FKBP14: variants seen among roughly 807,000 people sequenced by gnomAD.
FKBP14 encodes the protein FKBP prolyl isomerase 14, also known as peptidyl-prolyl cis-trans isomerase FKBP14.
FKBP14 carries 20 observed loss-of-function variants against 21.6 expected under a neutral mutation model. The ratio of observed to expected loss-of-function variants is 0.92; its 90% confidence interval spans 0.65 to 1.34. FKBP14 has a LOEUF of 1.34. FKBP14 is among the 40% of genes most tolerant of loss of function. FKBP14 has a pLI of 0.00. For synonymous variants in FKBP14, 79 were observed against 86.7 expected (o/e 0.91, Z 0.49); for missense variants, 253 against 249.0 (o/e 1.02, Z -0.11).
chr7:30,014,978 T>C (rs1256913428), intron 3 of FKBP14, 85 bp from the exon 4 acceptor site: 3 of 799,136 alleles, frequency 3.8e-6, no homozygotes, highest in South Asian at 2.7e-5. Flanking sequence ...TGGACTGTTA[T>C]TATATTTAGT....
At chr7:30,018,916 G>A (rs1789959328) in intron 3 of FKBP14, 80 bp downstream of exon 3, 2 of 1,440,838 alleles carry the variant, frequency 1.4e-6, no homozygotes, top group Non-Finnish European at 9.5e-7. Context: ...TTTAAAAAGT[G>A]AGTTACAAAA....
rs746979187 is a variant in FKBP14, at chr7:30,014,746, C to T, written c.625G>A (p.Asp209Asn). 5 of 1,596,560 alleles carry T rather than the reference C, an allele frequency of 3.1e-6. No homozygotes were observed. The highest frequency in any genetic ancestry group is 4.3e-6 in the Non-Finnish European group (5 of 1,173,666). The change falls in exon 4 of 4, where the codon GAT becomes AAT. Residue 209 changes from aspartate to asparagine, a missense_variant. Physicochemically the swap from Asp to Asn is conservative, Grantham distance 23 (BLOSUM62 1). Transcript: ENST00000222803. ...ISAREFTYKH[D>N]EL ...GGGTAGATGTATCTCTATAACTCAT[C>T]GTGTTTATATGTAAATTCTCTGGCA... is the stretch of plus-strand genomic sequence containing the variant.
chr7:30,012,844 G>A lies in FKBP14; in HGVS notation c.*1891C>T, dbSNP rs990302589. On this transcript the variant is annotated 3_prime_UTR_variant, in exon 4 of 4. Coordinates refer to ENST00000222803, the MANE Select transcript of FKBP14 (RefSeq NM_017946.4). ...GAATGAAGACTCAAAGATAAACAAC[G>A]GCACAGCAAACTGAAGAGAGAATTA... is the stretch of plus-strand genomic sequence containing the variant. 1 of 152,148 alleles carries A rather than the reference G, an allele frequency of 6.6e-6. No individual in the cohort carries two copies. Among genetic ancestry groups the A allele is most frequent in the Non-Finnish European group, 1.5e-5 (1 of 68,036 alleles). 9.4% of individuals were successfully genotyped at this position (152,148 alleles called of 1,614,324 possible).
At chr7:30,006,940 T>C (rs1368978574), downstream of FKBP14, among the ~76,000 whole-genome samples, 1 of 152,240 alleles carries the variant, frequency 6.6e-6, no homozygotes, top group Non-Finnish European at 1.5e-5. Flanking sequence ...GTATTATGTA[T>C]CCAAACTGAA....
At chr7:30,016,347 G>A (rs1789884308) in intron 3 of FKBP14, among the ~76,000 whole-genome samples, 1 of 151,968 alleles carries the variant, frequency 6.6e-6, no homozygotes, top group South Asian at 2.1e-4. Context: ...AGAAAGTCAG[G>A]TCTGATAAGT....
chr7:30,017,960 C>A (rs1298573777), intron 3 of FKBP14, among the ~76,000 whole-genome samples: 1 of 151,930 alleles, frequency 6.6e-6, no homozygotes, highest in Non-Finnish European at 1.5e-5. Flanking sequence ...TTTGCCACTG[C>A]ACTCCAGGCT....
chr7:30,009,440 C>T (rs1789674748), downstream of FKBP14, among the ~76,000 whole-genome samples: 1 of 151,988 alleles, frequency 6.6e-6, no homozygotes, highest in African/African-American at 2.4e-5. Flanking sequence ...ACCATGTTGA[C>T]CAGGTTGGTC....
downstream of FKBP14, among the ~76,000 whole-genome samples, chr7:30,006,097 CATATAT>C (rs1358627327): frequency 1.4e-5 from 2 of 145,584 alleles, no homozygotes; most frequent in Non-Finnish European, 3.0e-5. Flanking sequence ...CATATATATA[CATATAT>C]ATTTAGGATA....
intron 3 of FKBP14, among the ~76,000 whole-genome samples, 159 bp downstream of exon 3, chr7:30,018,837 A>G (rs1789957685): frequency 6.6e-6 from 1 of 152,274 alleles, no homozygotes; most frequent in South Asian, 2.1e-4. Context: ...TCAAAGCATC[A>G]GTATTTTAAG....
At position 30,022,217 on chromosome 7, in the gene FKBP14, C is replaced by T. The variant is rs144594814; in HGVS notation, c.349+448G>A. On this transcript the variant is annotated intron_variant, in intron 2 of 3. Coordinates refer to ENST00000222803, the MANE Select transcript of FKBP14 (RefSeq NM_017946.4). ...CATGTTCAACTCATCCAAACACTTA[C>T]GTTAATGGATCTTTCTCTCTGCATT... 3.4e-3 allele frequency among the ~76,000 whole-genome samples: 523 copies of T among 152,246 alleles called. 15 individuals are homozygous for T. The highest frequency in any genetic ancestry group is 0.028 in the Admixed American group (421 of 15,292).
chr7:30,026,178 C>T, intron 1 of FKBP14, 134 bp downstream of exon 1: 1 of 861,038 alleles, frequency 1.2e-6, no homozygotes, highest in African/African-American at 1.7e-5. Context: ...ATTTCCTTTC[C>T]CAAAGAAGGA....
At chr7:30,024,524 C>G (rs1790121439) in intron 1 of FKBP14, among the ~76,000 whole-genome samples, 1 of 152,200 alleles carries the variant, frequency 6.6e-6, no homozygotes, top group African/African-American at 2.4e-5. Flanking sequence ...CCTCAGCCTC[C>G]TGAGTAGCTG....
chr7:30,006,102 ATATT>A (rs1194269013), downstream of FKBP14, among the ~76,000 whole-genome samples: 1 of 146,456 alleles, frequency 6.8e-6, no homozygotes, highest in African/African-American at 2.5e-5. Flanking sequence ...ATATACATAT[ATATT>A]TAGGATAGTC....
chr7:30,024,280 G>T (rs749637393), intron 1 of FKBP14, among the ~76,000 whole-genome samples: 5 of 152,138 alleles, frequency 3.3e-5, no homozygotes, highest in Admixed American at 6.5e-5. Flanking sequence ...AAAGAAGCAG[G>T]AAACATTCTA....
At chr7:30,025,329 T>C (rs1790145293) in intron 1 of FKBP14, 1 of 152,226 alleles carries the variant, frequency 6.6e-6, no homozygotes, top group South Asian at 2.1e-4. Context: ...TGCTAGCACT[T>C]TGAATATTCT....
rs377576644 is a variant in FKBP14, at chr7:30,014,695, C to T, written c.*40G>A. The stretch of plus-strand genomic sequence containing the variant: ...TGTTCTTTAAAGATGACTGCCCTCT[C>T]TTGAAAGATGAGTGCTATATTAAAA... On this transcript the variant is annotated 3_prime_UTR_variant, in exon 4 of 4. Transcript: ENST00000222803. 3.1e-5 allele frequency: 40 copies of T among 1,298,138 alleles called. No homozygotes were observed. Among genetic ancestry groups the T allele is most frequent in the Non-Finnish European group, 3.9e-5 (39 of 989,454 alleles). 80.4% of individuals were successfully genotyped at this position (1,298,138 alleles called of 1,614,324 possible).
chr7:30,025,478 G>C (rs1230668245), intron 1 of FKBP14: 1 of 152,196 alleles, frequency 6.6e-6, no homozygotes, highest in Non-Finnish European at 1.5e-5. Context: ...GAGTTTGATA[G>C]ATGGACAGAC....
chr7:30,021,868 A>G (rs1015699702), intron 2 of FKBP14, among the ~76,000 whole-genome samples: 3 of 152,076 alleles, frequency 2.0e-5, no homozygotes, highest in African/African-American at 4.8e-5. Flanking sequence ...ACCTCTTGAT[A>G]TATATCACAA....
At chr7:30,026,206 T>C in intron 1 of FKBP14, 106 bp downstream of exon 1, 3 of 1,123,180 alleles carry the variant, frequency 2.7e-6, no homozygotes, top group Non-Finnish European at 3.8e-6. Context: ...TATTTCGGTT[T>C]TGTAAAAGAG....
Sources: gnomAD v4.1 joint callset for allele counts (sites outside exome capture counted in the v4.1 genomes callset) on GRCh38, gnomAD v4.1.1 for gene constraint, MANE v1.5 for transcripts, NCBI Gene and HGNC (gene_info 2026-07-23, HGNC 2026-07-21) for gene names.